Variants in SLK observed in about 807,000 individuals in gnomAD.
The protein encoded by SLK is STE20 like kinase, also known as STE20-like serine/threonine-protein kinase.
SLK carries 67 observed loss-of-function variants against 147.7 expected under a neutral mutation model. The observed-to-expected ratio is 0.45, with a 90% CI of 0.37 to 0.56. The LOEUF (loss-of-function observed/expected upper bound fraction) is 0.56. Among genes scored for constraint, SLK ranks in the 20% least tolerant of loss-of-function variants. The pLI is 0.00. For synonymous variants in SLK, 441 were observed against 475.0 expected (o/e 0.93, Z 0.93); for missense variants, 1,136 against 1,438.8 (o/e 0.79, Z 3.41).
intron 7 of SLK, among the ~76,000 whole-genome samples, chr10:104,000,396 G>T (rs942389834): frequency 2.0e-5 from 3 of 152,214 alleles, no homozygotes; most frequent in African/African-American, 7.2e-5. Flanking sequence ...TTATAGGTGG[G>T]CAAATAAAAT....
At chr10:103,976,881 T>TG (rs1235570032) in intron 1 of SLK, among the ~76,000 whole-genome samples, 4 of 152,238 alleles carry the variant, frequency 2.6e-5, no homozygotes, top group African/African-American at 9.6e-5. Flanking sequence ...TATGGCTTTT[T>TG]GCACTTAGCA....
chr10:103,989,765 G>A (rs940452717), intron 1 of SLK, among the ~76,000 whole-genome samples: 5 of 152,096 alleles, frequency 3.3e-5, no homozygotes, highest in African/African-American at 9.7e-5. Context: ...ACCGCGCCCG[G>A]CCAACAATTT....
chr10:104,003,644 A>G lies in SLK; in HGVS notation c.2349+117A>G, dbSNP rs907190826. On this transcript the variant is annotated intron_variant, in intron 9 of 18. Coordinates refer to ENST00000369755, the MANE Select transcript of SLK (RefSeq NM_014720.4). ...ATTAAATTAATGTAGTATTAACAAT[A>G]TAAATTCTTACAGCCTATGAAAGCA... 8 of 858,336 alleles carry G rather than the reference A, an allele frequency of 9.3e-6. No homozygotes were observed. In the Admixed American group the frequency reaches 1.0e-4, roughly 11 times the overall value. 53.2% of individuals were successfully genotyped at this position (858,336 alleles called of 1,614,324 possible). A position where few individuals can be genotyped will look rare whatever the true frequency, so the allele number is the denominator to read the frequency against.
intron 1 of SLK, among the ~76,000 whole-genome samples, chr10:103,976,234 C>T (rs140908536): frequency 2.0e-5 from 3 of 152,150 alleles, no homozygotes; most frequent in South Asian, 2.1e-4. Flanking sequence ...CCAAAAAATA[C>T]GATTCATGAA....
chr10:104,022,480 T>C (rs931514972), intron 18 of SLK, among the ~76,000 whole-genome samples: 2 of 152,294 alleles, frequency 1.3e-5, no homozygotes, highest in Middle Eastern at 6.8e-3. Context: ...AACCTTTGTT[T>C]TGGGGGGAGC....
chr10:104,002,392 A>C lies in SLK; in HGVS notation c.1214A>C (p.Gln405Pro). 6.2e-7 allele frequency: 1 copy of C among 1,613,918 alleles called. No individual in the cohort carries two copies. The highest frequency in any genetic ancestry group is 8.5e-7 in the Non-Finnish European group (1 of 1,179,962). The change falls in exon 9 of 19, where the codon CAG (glutamine) becomes CCG (proline). Residue 405 changes from glutamine (Q) to proline (P), a missense_variant. By Grantham distance (76) the Gln-to-Pro change is moderately conservative. Around this residue, in one of 6 missense-constraint regions of SLK, gnomAD observed 516 missense variants for 531.3 expected, o/e 0.97. Coordinates refer to ENST00000369755, the MANE Select transcript of SLK (RefSeq NM_014720.4). ...EDINEHITDA[Q>P]LEAMTELHDR... ...ATTAATGAACATATTACCGATGCTC[A>C]GTTAGAAGCAATGACTGAACTCCAT...
intron 4 of SLK, among the ~76,000 whole-genome samples, chr10:103,993,715 A>G (rs1045726972): frequency 4.6e-5 from 7 of 152,288 alleles, no homozygotes; most frequent in African/African-American, 1.7e-4. Flanking sequence ...TATGAAAGTT[A>G]TAGCGCTCTT....
At chr10:104,014,042 AC>A (rs1173601137) in intron 13 of SLK, among the ~76,000 whole-genome samples, 1 of 151,248 alleles carries the variant, frequency 6.6e-6, no homozygotes, top group African/African-American at 2.4e-5. Flanking sequence ...TGTTCTGTCT[AC>A]CCCGCCACAA....
At chr10:103,973,438 T>A (rs61863696) in intron 1 of SLK, among the ~76,000 whole-genome samples, 1 of 152,060 alleles carries the variant, frequency 6.6e-6, no homozygotes, top group Non-Finnish European at 1.5e-5. Context: ...TTCTGCTGCT[T>A]CTTCAACATA....
intron 1 of SLK, among the ~76,000 whole-genome samples, chr10:103,972,846 CTTTT>C (rs1455065065): frequency 1.3e-5 from 2 of 152,006 alleles, no homozygotes; most frequent in African/African-American, 4.8e-5. Context: ...TGAATTTCTT[CTTTT>C]GTGTTCAAGT....
chr10:104,027,869 A>G lies in SLK; in HGVS notation c.*2149A>G, dbSNP rs533884572. On this transcript the variant is annotated 3_prime_UTR_variant, in exon 19 of 19. Coordinates refer to ENST00000369755, the MANE Select transcript of SLK (RefSeq NM_014720.4). ...GAGTGGAATGGTTGGCGCTGTGGGT[A>G]AGGTTGGATCTCCCTTAAAACTGCC... is the stretch of plus-strand genomic sequence containing the variant. 3.9e-5 allele frequency: 6 copies of G among 152,242 alleles called. No homozygotes were observed. Among genetic ancestry groups the G allele is most frequent in the South Asian group, 2.1e-4 (1 of 4,816 alleles). 9.4% of individuals were successfully genotyped at this position (152,242 alleles called of 1,614,324 possible).
In SLK at chr10:103,967,235, G is replaced by C. The variant is rs923936275; in HGVS notation, c.-511G>C. ...GCGCCCCAGACCCGAGGGGACGCGC[G>C]GGCCTTGCGCCGCGGGAGCGGACGG... On this transcript the variant is annotated 5_prime_UTR_variant, in exon 1 of 19. Transcript: ENST00000369755. The C allele has an allele frequency of 6.6e-6, 1 of 151,838 alleles. No individual in the cohort carries two copies. The highest frequency in any genetic ancestry group is 6.6e-5 in the Admixed American group (1 of 15,178). The allele number at this position is 151,838 out of a possible 1,614,324, so 9.4% of individuals were successfully genotyped here.
chr10:103,996,857 C>T (rs777279940), intron 4 of SLK, among the ~76,000 whole-genome samples: 21 of 152,078 alleles, frequency 1.4e-4, no homozygotes, highest in Non-Finnish European at 2.9e-4. Flanking sequence ...TGCCTGTTGT[C>T]CATGTTTGTA....
intron 11 of SLK, among the ~76,000 whole-genome samples, chr10:104,007,768 C>CAAATAAATAAATAAAT (rs58270517): frequency 0.032 from 4,762 of 147,362 alleles, 227 homozygotes; most frequent in African/African-American, 0.1. Context: ...CCTATCTCTC[C>CAAATAAATAAATAAAT]AAATAAATAA....
At position 104,019,790 on chromosome 10, in the gene SLK, A is replaced by C; in HGVS notation, c.3189A>C (p.Arg1063Ser). 1 of 1,614,160 alleles carries C rather than the reference A, an allele frequency of 6.2e-7. No homozygotes were observed. Among genetic ancestry groups the C allele is most frequent in the Non-Finnish European group, 8.5e-7 (1 of 1,179,960 alleles). ...NQRLIEELKN[R>S]QTQERARLPK... ...GACTTATTGAGGAATTGAAAAACAG[A>C]CAGACTCAAGAAAGAGCAAGACTGC... is the stretch of plus-strand genomic sequence containing the variant. The change falls in exon 16 of 19, where the codon AGA becomes AGC. Residue 1063 changes from arginine to serine, a missense_variant. Around this residue, in one of 6 missense-constraint regions of SLK, gnomAD observed 327 missense variants for 457.5 expected, o/e 0.71. Transcript: ENST00000369755.
intron 3 of SLK, 116 bp downstream of exon 3, chr10:103,992,762 G>C: frequency 4.9e-6 from 1 of 202,282 alleles, no homozygotes; most frequent in Non-Finnish European, 8.2e-6. Flanking sequence ...AGTTCAGTAA[G>C]TTAACTCAAG....
At chr10:104,000,268 A>G (rs1207889239) in intron 7 of SLK, among the ~76,000 whole-genome samples, 2 of 152,216 alleles carry the variant, frequency 1.3e-5, no homozygotes, top group Non-Finnish European at 2.9e-5. Context: ...AATGTCTTAC[A>G]GTGAGGGTAA....
At chr10:104,023,097 C>G (rs1442058384) in intron 18 of SLK, among the ~76,000 whole-genome samples, 1 of 152,200 alleles carries the variant, frequency 6.6e-6, no homozygotes. Flanking sequence ...AAGTGAGTTG[C>G]TAATAGTCAA....
At chr10:103,970,930 C>G (rs886737431) in intron 1 of SLK, among the ~76,000 whole-genome samples, 8 of 152,144 alleles carry the variant, frequency 5.3e-5, no homozygotes, top group Admixed American at 1.3e-4. Flanking sequence ...TGAAAATGCT[C>G]TAGTGATCAT....
Sources: gnomAD v4.1 joint callset for allele counts (sites outside exome capture counted in the v4.1 genomes callset) on GRCh38, gnomAD v4.1.1 for gene constraint, gnomAD v4.1.1 regional missense constraint, MANE v1.5 for transcripts, NCBI Gene and HGNC (gene_info 2026-07-23, HGNC 2026-07-21) for gene names.